TSC22D3: variants seen among roughly 807,000 people sequenced by gnomAD.
TSC22D3 encodes the protein TSC22 domain family member 3.
TSC22D3 carries 4 observed loss-of-function variants against 11.1 expected under a neutral mutation model. The ratio of observed to expected loss-of-function variants is 0.36; its 90% CI spans 0.18 to 0.83. The LOEUF (loss-of-function observed/expected upper bound fraction) is 0.83. TSC22D3 is among the 40% of genes least tolerant of loss of function. TSC22D3 has a pLI of 0.48. For synonymous variants in TSC22D3, 77 were observed against 70.3 expected (o/e 1.10, Z -0.48); for missense variants, 118 against 159.4 (o/e 0.74, Z 1.40).
chrX:107,759,642 G>A (rs1039649454), intron 1 of TSC22D3, among the ~76,000 whole-genome samples: 2 of 112,549 alleles, frequency 1.8e-5, no homozygotes, highest in African/African-American at 6.5e-5. Flanking sequence ...CCCCGAGTTG[G>A]GGTTCCTCCA....
chrX:107,754,100 A>G (rs1929062579), intron 1 of TSC22D3, among the ~76,000 whole-genome samples: 1 of 110,004 alleles, frequency 9.1e-6, no homozygotes, highest in African/African-American at 3.3e-5. Context: ...TTGTATTTTT[A>G]GTAGAGACGG....
intron 1 of TSC22D3, chrX:107,716,544 G>GT: frequency 1.2e-6 from 1 of 835,144 alleles, no homozygotes; most frequent in South Asian, 4.0e-5. Context: ...CCCTTCCTGC[G>GT]TCCCCTCCCC....
At chrX:107,770,477 A>G in intron 1 of TSC22D3, among the ~76,000 whole-genome samples, 1 of 112,243 alleles carries the variant, frequency 8.9e-6, no homozygotes, top group Admixed American at 9.5e-5. Flanking sequence ...TTAATAGGGG[A>G]TATTAAATGA....
At chrX:107,756,864 A>G (rs1465423168) in intron 1 of TSC22D3, among the ~76,000 whole-genome samples, 2 of 112,433 alleles carry the variant, frequency 1.8e-5, no homozygotes, top group African/African-American at 6.5e-5. Context: ...GGAGTGCCCC[A>G]TGCCCACATC....
chrX:107,728,432 T>G (rs1047338010), intron 1 of TSC22D3, among the ~76,000 whole-genome samples: 16 of 112,933 alleles, frequency 1.4e-4, no homozygotes, highest in African/African-American at 5.1e-4. Context: ...CACCCATGTG[T>G]GTGCTCCTGG....
At chrX:107,715,852 G>A (rs199892597) in intron 2 of TSC22D3, 47 bp downstream of exon 2, 82 of 1,194,270 alleles carry the variant, frequency 6.9e-5, no homozygotes, top group Non-Finnish European at 9.2e-5. Context: ...AGTTACATAA[G>A]CAGCAGCTAA....
chrX:107,733,816 C>A (rs760947443), intron 1 of TSC22D3, among the ~76,000 whole-genome samples: 1 of 111,932 alleles, frequency 8.9e-6, no homozygotes, highest in African/African-American at 3.3e-5. Context: ...TGGTTACTTG[C>A]GCTGGGGAAG....
intron 1 of TSC22D3, among the ~76,000 whole-genome samples, chrX:107,750,005 G>T (rs1245190278): frequency 2.0e-4 from 22 of 111,864 alleles, no homozygotes; most frequent in Admixed American, 6.6e-4. Flanking sequence ...GTGGATCCAA[G>T]GGGGGCATGG....
intron 1 of TSC22D3, among the ~76,000 whole-genome samples, chrX:107,750,602 T>A (rs1928894307): frequency 9.0e-6 from 1 of 111,052 alleles, no homozygotes; most frequent in South Asian, 3.8e-4. Flanking sequence ...GCTGGGGAGT[T>A]GGGAGAGGGG....
At chrX:107,774,655 A>G (rs1463624131) in intron 1 of TSC22D3, among the ~76,000 whole-genome samples, 2 of 111,960 alleles carry the variant, frequency 1.8e-5, no homozygotes, top group African/African-American at 6.5e-5. Context: ...CCTCACTGTC[A>G]GTCAGGGGCA....
At chrX:107,740,970 T>G (rs746746865) in intron 1 of TSC22D3, among the ~76,000 whole-genome samples, 12 of 109,515 alleles carry the variant, frequency 1.1e-4, no homozygotes, top group African/African-American at 3.7e-4. Context: ...AGTAGGGAGA[T>G]GAACATCACA....
Position 107,771,330 on chromosome X carries a change from A to T in TSC22D3, c.320+3770T>A, listed in dbSNP as rs187478461. ...TCGGGCGCAGTGGCTCATGCCTGTA[A>T]TCCCAGCACCTTGGGAGGCCGAGGC... On this transcript the variant is annotated intron_variant, in intron 1 of 2. Transcript: ENST00000372383. Among the ~76,000 whole-genome samples, 52 of 112,368 alleles carry T rather than the reference A, an allele frequency of 4.6e-4. 1 individual carries two copies. Among genetic ancestry groups the T allele is most frequent in the African/African-American group, 1.5e-3 (45 of 30,976 alleles).
chrX:107,751,525 G>A (rs749326045), intron 1 of TSC22D3, among the ~76,000 whole-genome samples: 28 of 112,319 alleles, frequency 2.5e-4, no homozygotes, highest in Non-Finnish European at 4.3e-4. Flanking sequence ...GAATGGTTTT[G>A]CTATTACAAG....
intron 1 of TSC22D3, among the ~76,000 whole-genome samples, chrX:107,736,977 G>C (rs1056672650): frequency 4.5e-5 from 5 of 111,940 alleles, no homozygotes; most frequent in African/African-American, 1.6e-4. Flanking sequence ...GCTGCAAAAC[G>C]AGGTCAGTTA....
intron 1 of TSC22D3, among the ~76,000 whole-genome samples, chrX:107,754,310 C>T (rs1929074994): frequency 9.0e-6 from 1 of 111,188 alleles, no homozygotes; most frequent in Non-Finnish European, 1.9e-5. Flanking sequence ...CCTATGTTAC[C>T]CTAGCCATGT....
chrX:107,714,694 T>C lies in TSC22D3; in HGVS notation c.428A>G (p.Lys143Arg). Residue 143 changes from lysine (K) to arginine (R), a missense_variant, in exon 3 of 3, where the codon AAG becomes AGG. Transcript: ENST00000372383. ...YAVREEVEIL[K>R]EQIRELVEKN... is the part of the protein sequence containing the mutation. ...CTCCACCAGCTCTCGGATCTGCTCC[T>C]TCAGGATCTCCACCTCCTCTCTCAC... 8.3e-7 allele frequency: 1 copy of C among 1,211,924 alleles called. No individual in the cohort carries two copies. Among genetic ancestry groups the C allele is most frequent in the Middle Eastern group, 2.3e-4 (1 of 4,355 alleles).
intron 1 of TSC22D3, among the ~76,000 whole-genome samples, chrX:107,773,148 A>G (rs946413377): frequency 1.8e-5 from 2 of 112,764 alleles, no homozygotes; most frequent in African/African-American, 6.5e-5. Flanking sequence ...CCAAGAGTCA[A>G]TAAACTCGTA....
At chrX:107,761,858 T>C (rs1299102245) in intron 1 of TSC22D3, among the ~76,000 whole-genome samples, 2 of 112,356 alleles carry the variant, frequency 1.8e-5, no homozygotes, top group Admixed American at 9.4e-5. Flanking sequence ...CTACTGATTT[T>C]TGGGCAAGAA....
chrX:107,766,773 T>G (rs1602419301), intron 1 of TSC22D3, among the ~76,000 whole-genome samples: 1 of 108,978 alleles, frequency 9.2e-6, no homozygotes, highest in Non-Finnish European at 1.9e-5. Context: ...CTGGGGAGAG[T>G]AGGCTTTTCC....
Sources: allele counts gnomAD v4.1 joint callset (sites outside exome capture counted in the v4.1 genomes callset), GRCh38; gene constraint gnomAD v4.1.1; transcripts MANE v1.5; gene names NCBI Gene and HGNC (gene_info 2026-07-23, HGNC 2026-07-21).